ANP32B: variants seen among roughly 807,000 people sequenced by gnomAD.
ANP32B encodes acidic nuclear phosphoprotein 32 family member B, also known as acidic leucine-rich nuclear phosphoprotein 32 family member B.
ANP32B carries 6 observed loss-of-function variants against 32.2 expected under a neutral mutation model. The ratio of observed to expected loss-of-function variants is 0.19; its 90% CI spans 0.10 to 0.37. The LOEUF is 0.37. Among genes scored for constraint, ANP32B ranks in the 10% least tolerant of loss-of-function variants. The pLI is 1.00. For missense variants in ANP32B, 204 were observed against 289.2 expected, an observed-to-expected ratio of 0.71 and a Z score of 2.14; for synonymous variants, 98 against 105.8, an observed-to-expected ratio of 0.93 and a Z score of 0.45.
chr9:97,993,423 CTTGA>C (rs1054169903), intron 1 of ANP32B, among the ~76,000 whole-genome samples: 1 of 152,108 alleles, frequency 6.6e-6, no homozygotes, highest in Non-Finnish European at 1.5e-5. Context: ...TGTATACATG[CTTGA>C]TTAATGCTAT....
In ANP32B at chr9:98,011,320, G is replaced by A. The variant is rs754900693; in HGVS notation, c.567G>A (p.Glu189=). 5 of 1,549,400 alleles carry A rather than the reference G, an allele frequency of 3.2e-6. No individual in the cohort carries two copies. The South Asian group carries it at 5.9e-5, about 18-fold the overall frequency. ...ACGATGAGGATGGTGAAGAAGAGGAGTTTGATGAAGAAGATGATGAAGATG... is the reference window on the plus strand; with the variant it reads ...ACGATGAGGATGGTGAAGAAGAGGAATTTGATGAAGAAGATGATGAAGATG... The part of the protein sequence containing the change: ...DEDDEDGEEE[E]FDEEDDEDED... Residue 189 remains glutamate, a synonymous_variant, in exon 5 of 7, where the codon GAG becomes GAA. Transcript: ENST00000339399.
intron 1 of ANP32B, chr9:97,986,663 G>A (rs1827740177): frequency 6.6e-6 from 1 of 152,238 alleles, no homozygotes; most frequent in South Asian, 2.1e-4. Flanking sequence ...GTGATGTGCT[G>A]GAACATGCCA....
Position 98,015,854 on chromosome 9 carries a change from A to T in ANP32B, c.*423A>T, listed in dbSNP as rs528908072. 1.0e-4 allele frequency: 99 copies of T among 961,876 alleles called. No homozygotes were observed. Among genetic ancestry groups the T allele is most frequent in the East Asian group, 2.3e-4 (2 of 8,706 alleles). 59.6% of individuals were successfully genotyped at this position (961,876 alleles called of 1,614,324 possible). On this transcript the variant is annotated 3_prime_UTR_variant, in exon 7 of 7. Coordinates refer to ENST00000339399, the MANE Select transcript of ANP32B (RefSeq NM_006401.3). ...GCTTTGCTTTTTAATTATTATTATTATTTTTTTTACATTAGGACATTTTAT... is the reference window on the plus strand; with the variant it reads ...GCTTTGCTTTTTAATTATTATTATTTTTTTTTTTACATTAGGACATTTTAT...
At chr9:98,003,307 CTCTT>C (rs949534142) in intron 3 of ANP32B, among the ~76,000 whole-genome samples, 9 of 152,180 alleles carry the variant, frequency 5.9e-5, no homozygotes, top group African/African-American at 2.2e-4. Context: ...GTGTGGGAGC[CTCTT>C]TCTTCATCAA....
chr9:98,001,539 C>T (rs769415146), intron 3 of ANP32B, among the ~76,000 whole-genome samples: 3 of 152,206 alleles, frequency 2.0e-5, no homozygotes, highest in Non-Finnish European at 4.4e-5. Flanking sequence ...TACCTTTTCA[C>T]TGTTGGCCAG....
At chr9:97,997,897 C>T (rs1018524578) in intron 2 of ANP32B, among the ~76,000 whole-genome samples, 1 of 152,212 alleles carries the variant, frequency 6.6e-6, no homozygotes, top group Non-Finnish European at 1.5e-5. Context: ...GCTACTTGAC[C>T]TGCAGCTTAG....
At chr9:97,994,519 C>T in intron 1 of ANP32B, 112 bp from the exon 2 acceptor site, 1 of 994,572 alleles carries the variant, frequency 1.0e-6, no homozygotes, top group Non-Finnish European at 1.5e-6. Flanking sequence ...AAGTAAGAGG[C>T]TGCCTGTATA....
At chr9:97,991,650 T>G (rs1339966591) in intron 1 of ANP32B, among the ~76,000 whole-genome samples, 1 of 152,228 alleles carries the variant, frequency 6.6e-6, no homozygotes, top group Admixed American at 6.5e-5. Flanking sequence ...ACTACTCATT[T>G]AAAAGAGAAG....
At chr9:98,000,168 A>C (rs556521184) in intron 3 of ANP32B, among the ~76,000 whole-genome samples, 8 of 152,254 alleles carry the variant, frequency 5.3e-5, no homozygotes, top group African/African-American at 1.9e-4. Flanking sequence ...TCTTTTAGAG[A>C]GGTCTCACTA....
At chr9:98,011,127 A>C in intron 4 of ANP32B, 144 bp from the exon 5 acceptor site, 27 of 1,209,142 alleles carry the variant, frequency 2.2e-5, no homozygotes, top group Non-Finnish European at 3.0e-5. Flanking sequence ...AAAGGGACTG[A>C]GCTGTAGCAC....
At chr9:97,986,252 C>T (rs1288297728) in intron 1 of ANP32B, among the ~76,000 whole-genome samples, 1 of 152,222 alleles carries the variant, frequency 6.6e-6, no homozygotes, top group Non-Finnish European at 1.5e-5. Flanking sequence ...ACAAGTGGCT[C>T]GTGGGTGCTG....
At chr9:97,999,244 G>A (rs554141901) in intron 3 of ANP32B, among the ~76,000 whole-genome samples, 3 of 152,156 alleles carry the variant, frequency 2.0e-5, no homozygotes, top group Non-Finnish European at 4.4e-5. Flanking sequence ...ATTTTTGGGG[G>A]TATTTTGTTT....
intron 3 of ANP32B, 39 bp downstream of exon 3, chr9:97,998,717 C>A (rs1421073111): frequency 5.0e-6 from 7 of 1,406,818 alleles, no homozygotes; most frequent in South Asian, 1.4e-5. Flanking sequence ...ACTTACTGGT[C>A]ATTTTCATTT....
intron 4 of ANP32B, among the ~76,000 whole-genome samples, chr9:98,010,858 T>G (rs1371742777): frequency 6.6e-6 from 1 of 152,050 alleles, no homozygotes; most frequent in Non-Finnish European, 1.5e-5. Flanking sequence ...TTTTTTAACT[T>G]TTTACTGTCA....
intron 1 of ANP32B, chr9:97,984,520 CGT>C (rs1827667907): frequency 6.6e-6 from 1 of 150,870 alleles, no homozygotes; most frequent in Non-Finnish European, 1.5e-5. Flanking sequence ...CTGGCCCCTC[CGT>C]GTGGGCGGGC....
intron 2 of ANP32B, among the ~76,000 whole-genome samples, chr9:97,995,702 C>T (rs987124072): frequency 4.6e-5 from 7 of 152,020 alleles, no homozygotes; most frequent in African/African-American, 1.4e-4. Context: ...GGGAGGATCA[C>T]GTGAGGTCAG....
At chr9:97,983,964 C>T (rs1157369297) in intron 1 of ANP32B, among the ~76,000 whole-genome samples, 3 of 150,958 alleles carry the variant, frequency 2.0e-5, no homozygotes, top group South Asian at 2.1e-4. Flanking sequence ...TGCAGCCTCC[C>T]GGGATGCGCG....
intron 6 of ANP32B, among the ~76,000 whole-genome samples, chr9:98,014,659 C>G (rs1305838300): frequency 6.6e-6 from 1 of 152,184 alleles, no homozygotes. Flanking sequence ...CCATTGTCCC[C>G]ATTTTACAGA....
At chr9:98,009,074 C>G (rs1328308444) in intron 4 of ANP32B, among the ~76,000 whole-genome samples, 1 of 152,244 alleles carries the variant, frequency 6.6e-6, no homozygotes, top group East Asian at 1.9e-4. Flanking sequence ...AATAAAATAG[C>G]TTTCCCTTCC....
Sources: allele counts gnomAD v4.1 joint callset (sites outside exome capture counted in the v4.1 genomes callset), GRCh38; gene constraint gnomAD v4.1.1; transcripts MANE v1.5; gene names NCBI Gene and HGNC (gene_info 2026-07-23, HGNC 2026-07-21).